Variants in PTPRN2 observed in about 807,000 individuals in gnomAD.
The protein encoded by PTPRN2 is receptor-type tyrosine-protein phosphatase N2.
A neutral mutation model predicts 118.8 loss-of-function variants in PTPRN2; 74 were observed. The ratio of observed to expected loss-of-function variants is 0.62; its 90% CI spans 0.52 to 0.76. The LOEUF (loss-of-function observed/expected upper bound fraction) is 0.76, where lower values mean the gene tolerates loss of function less well. Ranked by LOEUF, PTPRN2 falls within the 30% of genes least tolerant of loss-of-function variation. The pLI, the probability that PTPRN2 is intolerant of heterozygous loss-of-function variation, is 0.00. For synonymous variants in PTPRN2, 641 were observed against 608.0 expected (o/e 1.05, Z -0.80); for missense variants, 1,481 against 1,394.4 (o/e 1.06, Z -0.99).
chr7:158,435,203 T>A (rs1816492079), intron 2 of PTPRN2, among the ~76,000 whole-genome samples: 1 of 152,192 alleles, frequency 6.6e-6, no homozygotes, highest in Non-Finnish European at 1.5e-5. Flanking sequence ...TATAACTTTT[T>A]AAAAGGTTAA....
chr7:157,784,765 C>T lies in PTPRN2; in HGVS notation c.1789-101828G>A, dbSNP rs1803917478. On this transcript the variant is annotated intron_variant, in intron 12 of 22. Coordinates refer to ENST00000389418, the MANE Select transcript of PTPRN2 (RefSeq NM_002847.5). The surrounding 1 kb of genome is among the most constrained non-coding windows in gnomAD (Gnocchi z 4.6). The stretch of plus-strand genomic sequence containing the variant: ...CTGGGTCTCGACATTTCACCGCAAA[C>T]CCTGACCCCACACCCGGCCTCTCTG... 6.6e-6 allele frequency among the ~76,000 whole-genome samples: 1 copy of T among 152,120 alleles called. No homozygotes were observed. Among genetic ancestry groups the T allele is most frequent in the Non-Finnish European group, 1.5e-5 (1 of 68,020 alleles).
At chr7:157,956,246 C>G (rs910423265) in intron 11 of PTPRN2, among the ~76,000 whole-genome samples, 1 of 152,092 alleles carries the variant, frequency 6.6e-6, no homozygotes, top group South Asian at 2.1e-4. Context: ...GGCTCCCTGA[C>G]GTGTTGGAGA....
chr7:157,679,542 T>C (rs900642448), intron 13 of PTPRN2, among the ~76,000 whole-genome samples: 3 of 152,224 alleles, frequency 2.0e-5, no homozygotes, highest in Non-Finnish European at 4.4e-5. Context: ...TAGTTCTATT[T>C]TGAGGAAAAA....
intron 3 of PTPRN2, among the ~76,000 whole-genome samples, chr7:158,218,016 A>G (rs1354522473): frequency 6.6e-6 from 1 of 152,240 alleles, no homozygotes; most frequent in African/African-American, 2.4e-5. Context: ...CTTGGAAAAC[A>G]TAGTTGAGGA....
chr7:158,069,515 C>A (rs796365664), intron 11 of PTPRN2, among the ~76,000 whole-genome samples: 3 of 151,256 alleles, frequency 2.0e-5, no homozygotes, highest in Non-Finnish European at 1.5e-5. Context: ...TTCTTTACCC[C>A]CCAAAGTGCT....
chr7:158,131,399 T>A (rs1349935983), intron 9 of PTPRN2, among the ~76,000 whole-genome samples: 5 of 128,004 alleles, frequency 3.9e-5, no homozygotes, highest in African/African-American at 1.6e-4. Flanking sequence ...CACACGTATA[T>A]ACAAACCAAT....
intron 12 of PTPRN2, among the ~76,000 whole-genome samples, chr7:157,742,359 AGAAG>A (rs1257312260): frequency 1.3e-5 from 2 of 152,250 alleles, no homozygotes; most frequent in African/African-American, 4.8e-5. Flanking sequence ...TTGAAAAGGA[AGAAG>A]GAAGTAAATT....
At chr7:157,592,069 C>T (rs1801012889) in intron 17 of PTPRN2, among the ~76,000 whole-genome samples, 1 of 152,184 alleles carries the variant, frequency 6.6e-6, no homozygotes, top group South Asian at 2.1e-4. Flanking sequence ...CCACCTGATA[C>T]CTGCTGTCCG....
At chr7:158,385,435 C>T (rs757303422) in intron 2 of PTPRN2, among the ~76,000 whole-genome samples, 30 of 152,186 alleles carry the variant, frequency 2.0e-4, no homozygotes, top group Non-Finnish European at 3.8e-4. Context: ...TTTAAAATCT[C>T]ACTGTATAGC....
chr7:158,217,590 CA>C (rs925851279), intron 3 of PTPRN2, among the ~76,000 whole-genome samples: 2 of 152,124 alleles, frequency 1.3e-5, no homozygotes, highest in African/African-American at 4.8e-5. Context: ...AGCTACCCAG[CA>C]ATGGTTCTTA....
chr7:158,330,006 C>A (rs1450253428), intron 2 of PTPRN2, among the ~76,000 whole-genome samples: 1 of 150,264 alleles, frequency 6.7e-6, no homozygotes, highest in Admixed American at 6.7e-5. Flanking sequence ...AGACGACACT[C>A]ACACCCACAC....
intron 1 of PTPRN2, among the ~76,000 whole-genome samples, chr7:158,572,552 C>G (rs1828099770): frequency 6.6e-6 from 1 of 152,196 alleles, no homozygotes; most frequent in South Asian, 2.1e-4. Flanking sequence ...GGGACCTCTG[C>G]CCAACAGCTC....
At chr7:158,134,080 T>G in intron 8 of PTPRN2, 21 bp from the exon 9 acceptor site, 1 of 1,602,434 alleles carries the variant, frequency 6.2e-7, no homozygotes, top group Non-Finnish European at 8.5e-7. Context: ...GGACATTCCG[T>G]GAGGGACGTC....
chr7:157,545,947 C>G (rs1247190487), intron 22 of PTPRN2, among the ~76,000 whole-genome samples: 1 of 152,152 alleles, frequency 6.6e-6, no homozygotes, highest in Non-Finnish European at 1.5e-5. Context: ...ATTTTTCTAT[C>G]TTTGTGAAAC....
chr7:157,701,273 C>T (rs1427546981), intron 12 of PTPRN2, among the ~76,000 whole-genome samples: 1 of 152,142 alleles, frequency 6.6e-6, no homozygotes, highest in South Asian at 2.1e-4. Context: ...GGGAGAGCTC[C>T]GTTCTTAGCT....
At chr7:158,135,412 T>A (rs1369246668) in intron 8 of PTPRN2, among the ~76,000 whole-genome samples, 1 of 152,150 alleles carries the variant, frequency 6.6e-6, no homozygotes, top group Non-Finnish European at 1.5e-5. Context: ...CATAATATTG[T>A]CACTTAAATT....
chr7:157,727,680 T>G (rs2150931693), intron 12 of PTPRN2, among the ~76,000 whole-genome samples: 2 of 152,306 alleles, frequency 1.3e-5, no homozygotes, highest in Middle Eastern at 3.4e-3. Context: ...GACGATCCAT[T>G]TTCTGTTTTG....
chr7:158,155,058 G>A (rs1174565239), intron 6 of PTPRN2, among the ~76,000 whole-genome samples: 1 of 152,196 alleles, frequency 6.6e-6, no homozygotes, highest in Non-Finnish European at 1.5e-5. Context: ...ACGTAATTCT[G>A]CAATCTGGCC....
intron 3 of PTPRN2, among the ~76,000 whole-genome samples, chr7:158,208,358 A>G: frequency 6.6e-6 from 1 of 152,214 alleles, no homozygotes; most frequent in Non-Finnish European, 1.5e-5. Context: ...TTAATTATCA[A>G]ACTCCCAAAG....
Sources: allele counts gnomAD v4.1 joint callset (sites outside exome capture counted in the v4.1 genomes callset), GRCh38; gene constraint gnomAD v4.1.1; non-coding constraint Gnocchi (gnomAD v3.1); transcripts MANE v1.5; gene names NCBI Gene and HGNC (gene_info 2026-07-23, HGNC 2026-07-21).